The following PCDH11X variants were observed in gnomAD, a reference collection of about 807,000 sequenced individuals.
PCDH11X encodes protocadherin 11 X-linked.
Under a neutral mutation model 53.3 loss-of-function variants are expected in PCDH11X, and 18 were observed. The observed-to-expected ratio is 0.34, with a 90% CI of 0.23 to 0.50. The LOEUF is 0.50. PCDH11X is among the 20% of genes least tolerant of loss of function. The pLI is 0.98. For missense variants in PCDH11X, 570 were observed against 1,032.4 expected, an observed-to-expected ratio of 0.55 and a Z score of 6.14; for synonymous variants, 279 against 393.3, an observed-to-expected ratio of 0.71 and a Z score of 3.44.
chrX:92,271,736 A>T (rs2067964523), intron 8 of PCDH11X, among the ~76,000 whole-genome samples: 1 of 112,042 alleles, frequency 8.9e-6, no homozygotes, highest in South Asian at 3.7e-4. Context: ...AATATCCTGA[A>T]CCTCATCATC....
At chrX:91,978,911 T>C (rs1335331072) in intron 6 of PCDH11X, among the ~76,000 whole-genome samples, 1 of 111,956 alleles carries the variant, frequency 8.9e-6, no homozygotes, top group Non-Finnish European at 1.9e-5. Context: ...GAGCTATCTC[T>C]GATGATTTGA....
chrX:91,923,020 AAC>A (rs1216997655), intron 6 of PCDH11X, among the ~76,000 whole-genome samples: 4 of 109,896 alleles, frequency 3.6e-5, no homozygotes, highest in African/African-American at 1.3e-4. Context: ...AAAAATCAAA[AAC>A]AAATTCATAT....
chrX:91,968,438 A>G (rs2061897969), intron 6 of PCDH11X, among the ~76,000 whole-genome samples: 1 of 110,549 alleles, frequency 9.0e-6, no homozygotes, highest in African/African-American at 3.3e-5. Flanking sequence ...TCACAAGCAA[A>G]TAAAGAGTGT....
intron 6 of PCDH11X, among the ~76,000 whole-genome samples, chrX:92,022,771 G>A (rs1433794259): frequency 2.7e-5 from 3 of 111,862 alleles, no homozygotes; most frequent in African/African-American, 9.8e-5. Flanking sequence ...ATGATTCGAA[G>A]TAAAACACTC....
chrX:92,412,509 GTATATATATATATATATATATA>G (rs748836273), intron 9 of PCDH11X, among the ~76,000 whole-genome samples: 1,702 of 64,407 alleles, frequency 0.026, 67 homozygotes, highest in African/African-American at 0.086. Context: ...AAAGAAAATA[GTATATATATATATATATATATA>G]TATATATATA....
chrX:91,793,949 G>C (rs985079551), intron 1 of PCDH11X, among the ~76,000 whole-genome samples: 3 of 112,042 alleles, frequency 2.7e-5, no homozygotes, highest in Non-Finnish European at 5.6e-5. Flanking sequence ...GGAAGAACTA[G>C]ATTATTAGAA....
chrX:92,201,432 A>G lies in PCDH11X; in HGVS notation c.3091A>G (p.Ile1031Val), dbSNP rs769602635. 28 of 1,190,815 alleles carry G rather than the reference A, an allele frequency of 2.4e-5. No individual in the cohort carries two copies. In the Middle Eastern group the frequency reaches 9.3e-4, roughly 39 times the overall value. ...TPMKESTTME[I>V]WIHPQPQRKS... ...CATGAAAGAGTCTACAACTATGGAG[A>G]TCTGGATTCATCCCCAACCACAGGT... Residue 1031 changes from isoleucine to valine, a missense_variant, in exon 7 of 11, where the codon ATC becomes GTC. Coordinates refer to ENST00000682573, the MANE Select transcript of PCDH11X (RefSeq NM_032968.5).
chrX:92,111,901 C>T (rs1192258844), intron 6 of PCDH11X, among the ~76,000 whole-genome samples: 3 of 109,701 alleles, frequency 2.7e-5, no homozygotes, highest in Non-Finnish European at 3.8e-5. Flanking sequence ...GGACTACAGG[C>T]GCCCGCCACC....
chrX:92,301,008 C>T (rs1396638508), intron 8 of PCDH11X, among the ~76,000 whole-genome samples: 5 of 110,715 alleles, frequency 4.5e-5, no homozygotes, highest in Admixed American at 9.6e-5. Context: ...GAAGGAAAGG[C>T]AAAGTCTACT....
chrX:91,898,910 C>T (rs961029429), intron 6 of PCDH11X, among the ~76,000 whole-genome samples: 4 of 108,927 alleles, frequency 3.7e-5, no homozygotes, highest in Non-Finnish European at 7.6e-5. Flanking sequence ...GTCTGAGACT[C>T]AATTTCTTCT....
At chrX:91,929,193 CAT>C (rs1400991454) in intron 6 of PCDH11X, among the ~76,000 whole-genome samples, 24 of 111,043 alleles carry the variant, frequency 2.2e-4, no homozygotes, top group Non-Finnish European at 4.5e-4. Flanking sequence ...ATCTGCTATT[CAT>C]ATGTCTAGCA....
chrX:92,223,463 A>C (rs886548726), intron 7 of PCDH11X, among the ~76,000 whole-genome samples: 1 of 111,822 alleles, frequency 8.9e-6, no homozygotes, highest in Non-Finnish European at 1.9e-5. Flanking sequence ...AGCAGAGATT[A>C]TTTTTAACTC....
intron 10 of PCDH11X, among the ~76,000 whole-genome samples, chrX:92,520,478 A>AATT (rs2074352990): frequency 1.2e-5 from 1 of 85,277 alleles, no homozygotes; most frequent in African/African-American, 4.3e-5. Context: ...TGGCTGTGGC[A>AATT]TTTTTTTTTT....
At chrX:92,447,449 T>A (rs2072679382) in intron 9 of PCDH11X, among the ~76,000 whole-genome samples, 1 of 111,328 alleles carries the variant, frequency 9.0e-6, no homozygotes, top group Non-Finnish European at 1.9e-5. Flanking sequence ...GGGGCCAAGG[T>A]ACAGCTCGAG....
intron 10 of PCDH11X, among the ~76,000 whole-genome samples, chrX:92,579,549 C>T (rs1923401448): frequency 9.0e-6 from 1 of 111,182 alleles, no homozygotes; most frequent in Non-Finnish European, 1.9e-5. Context: ...GCTATTGCTA[C>T]TTGTGGTTGA....
chrX:92,507,426 C>T (rs2074083689), intron 10 of PCDH11X, among the ~76,000 whole-genome samples: 2 of 111,438 alleles, frequency 1.8e-5, no homozygotes, highest in South Asian at 7.5e-4. Flanking sequence ...TATATTGTAT[C>T]TTTGTTCTCA....
chrX:92,341,117 C>A (rs2069747131), intron 8 of PCDH11X, among the ~76,000 whole-genome samples: 1 of 111,825 alleles, frequency 8.9e-6, no homozygotes, highest in Non-Finnish European at 1.9e-5. Flanking sequence ...CAGCCAAATT[C>A]TTTGCTAAGA....
At position 91,959,065 on chromosome X, in the gene PCDH11X, A is replaced by T. The variant is rs183782218; in HGVS notation, c.3033+79792A>T. Reference sequence around the variant, plus strand: ...AGTAATAACAGATTCATACTGCCTGATTCCTTTCTCTCTGAAATCATTTAG... The same window carrying T: ...AGTAATAACAGATTCATACTGCCTGTTTCCTTTCTCTCTGAAATCATTTAG... On this transcript the variant is annotated intron_variant, in intron 6 of 10. Coordinates refer to ENST00000682573, the MANE Select transcript of PCDH11X (RefSeq NM_032968.5). Among the ~76,000 whole-genome samples, 548 of 107,940 alleles carry T rather than the reference A, an allele frequency of 5.1e-3. 7 individuals are homozygous for T. Among genetic ancestry groups the T allele is most frequent in the African/African-American group, 0.018 (524 of 29,104 alleles). The allele number at this position is 107,940 out of a possible 115,157, so 93.7% of individuals were successfully genotyped here.
intron 8 of PCDH11X, among the ~76,000 whole-genome samples, chrX:92,321,496 G>A (rs2069208827): frequency 1.8e-5 from 2 of 110,997 alleles, no homozygotes; most frequent in South Asian, 7.6e-4. Context: ...GCGCCCGGCC[G>A]TGTAATTGTT....
Sources: gnomAD v4.1 joint callset for allele counts (sites outside exome capture counted in the v4.1 genomes callset) on GRCh38, gnomAD v4.1.1 for gene constraint, MANE v1.5 for transcripts, NCBI Gene and HGNC (gene_info 2026-07-23, HGNC 2026-07-21) for gene names.